CACNA2D1: variants seen among roughly 807,000 people sequenced by gnomAD.
The protein encoded by CACNA2D1 is calcium voltage-gated channel auxiliary subunit alpha2delta 1.
In CACNA2D1, 53 loss-of-function variants were observed where a neutral mutation model predicts 171.5. The observed-to-expected ratio is 0.31, with a 90% CI of 0.25 to 0.39. The LOEUF is 0.39. Among genes scored for constraint, CACNA2D1 ranks in the 10% least tolerant of loss-of-function variants. CACNA2D1 has a pLI of 1.00. For synonymous variants in CACNA2D1, 442 were observed against 443.1 expected (o/e 1.00, Z 0.03); for missense variants, 903 against 1,299.8 (o/e 0.69, Z 4.69).
At position 82,034,592 on chromosome 7, in the gene CACNA2D1, T is replaced by C. The variant is rs138265396; in HGVS notation, c.1039-1691A>G. Among the ~76,000 whole-genome samples the C allele has an allele frequency of 2.4e-3, 367 of 152,226 alleles. 1 individual carries two copies. The Middle Eastern group carries it at 0.054, about 23-fold the overall frequency. Reference sequence around the variant, plus strand: ...AAAGTTGCCTATTTTATCATCAAAATAGTTTTGTGAAACATGCCTCAAATC... The same window carrying C: ...AAAGTTGCCTATTTTATCATCAAAACAGTTTTGTGAAACATGCCTCAAATC... On this transcript the variant is annotated intron_variant, in intron 11 of 38. Transcript: ENST00000356860.
chr7:81,954,853 GATACTGCATA>G (rs1793035614), intron 38 of CACNA2D1, among the ~76,000 whole-genome samples: 1 of 152,028 alleles, frequency 6.6e-6, no homozygotes, highest in African/African-American at 2.4e-5. Context: ...TAGGCATGTA[GATACTGCATA>G]ATAATAGGAA....
chr7:82,074,876 T>G (rs1287059962), intron 7 of CACNA2D1, among the ~76,000 whole-genome samples: 2 of 152,320 alleles, frequency 1.3e-5, no homozygotes, highest in East Asian at 3.9e-4. Context: ...TCCAGAATTT[T>G]TTTTTAATTA....
intron 3 of CACNA2D1, among the ~76,000 whole-genome samples, chr7:82,252,751 G>T (rs1465253615): frequency 6.6e-6 from 1 of 152,026 alleles, no homozygotes; most frequent in East Asian, 1.9e-4. Context: ...TTAGCTGGGC[G>T]TGGTGGTGCG....
At chr7:82,271,928 C>CT (rs3216242) in intron 3 of CACNA2D1, among the ~76,000 whole-genome samples, 110,012 of 151,926 alleles carry the variant, frequency 0.72, 40,799 homozygotes, top group African/African-American at 0.88. Context: ...TCACTTTCTT[C>CT]TTCCTGAATC....
chr7:82,130,791 C>CTTTTTTTTTTTTTT (rs71093363), intron 5 of CACNA2D1, among the ~76,000 whole-genome samples: 1 of 105,846 alleles, frequency 9.4e-6, no homozygotes, highest in Non-Finnish European at 1.8e-5. Context: ...TTGTTTTTGT[C>CTTTTTTTTTTTTTT]TTTTTTTTTT....
intron 3 of CACNA2D1, among the ~76,000 whole-genome samples, chr7:82,191,745 A>C (rs2367912): frequency 0.3 from 45,913 of 151,628 alleles, 7,491 homozygotes; most frequent in African/African-American, 0.42. Flanking sequence ...ATCAACTGCA[A>C]GTATAAACAG....
chr7:82,353,532 G>T (rs1233663965), intron 1 of CACNA2D1, among the ~76,000 whole-genome samples: 2 of 151,960 alleles, frequency 1.3e-5, no homozygotes, highest in Admixed American at 1.3e-4. Flanking sequence ...AACTCCCAAA[G>T]GAGAGTGTAC....
At chr7:82,302,544 A>G (rs1379052211) in intron 3 of CACNA2D1, among the ~76,000 whole-genome samples, 3 of 151,510 alleles carry the variant, frequency 2.0e-5, no homozygotes, top group African/African-American at 7.3e-5. Flanking sequence ...CCTCCCCAGT[A>G]GCTGGGAAAC....
At chr7:82,393,111 C>CAGGCAGGCAGGG (rs1563483495) in intron 1 of CACNA2D1, among the ~76,000 whole-genome samples, 16 of 86,898 alleles carry the variant, frequency 1.8e-4, no homozygotes, top group African/African-American at 7.8e-4. Context: ...GGCAGGCAGG[C>CAGGCAGGCAGGG]AGGGAGGGAG....
At chr7:82,080,050 T>C (rs1332085325) in intron 7 of CACNA2D1, among the ~76,000 whole-genome samples, 1 of 58,258 alleles carries the variant, frequency 1.7e-5, no homozygotes, top group African/African-American at 8.0e-5. Flanking sequence ...TAAAAATATA[T>C]ATGTGTGTAT....
intron 3 of CACNA2D1, among the ~76,000 whole-genome samples, chr7:82,227,931 G>C (rs754165152): frequency 6.6e-6 from 1 of 152,038 alleles, no homozygotes; most frequent in Non-Finnish European, 1.5e-5. Context: ...GTGGAGGGTA[G>C]AATTCTAAAA....
At chr7:82,439,789 C>A (rs1273359127) in intron 1 of CACNA2D1, among the ~76,000 whole-genome samples, 1 of 151,326 alleles carries the variant, frequency 6.6e-6, no homozygotes, top group Non-Finnish European at 1.5e-5. Context: ...TATGGTTAAG[C>A]CGATGAGAAC....
rs3839798 is a variant in CACNA2D1 at position 82,150,422 on chromosome 7, TAA to T, written c.355-13748_355-13747del. Among the ~76,000 whole-genome samples the T allele has an allele frequency of 7.6e-3, 1,064 of 140,678 alleles. 6 individuals carry two copies. Among genetic ancestry groups the T allele is most frequent in the East Asian group, 0.026 (128 of 4,844 alleles). 92.3% of individuals were successfully genotyped at this position (140,678 alleles called of 152,430 possible). On this transcript the variant is annotated intron_variant, in intron 4 of 38. Coordinates refer to ENST00000356860, the MANE Select transcript of CACNA2D1 (RefSeq NM_000722.4). ...CTGAAAACAAAGCAAAGCTTTCCCT[TAA>T]AAAAAAAAAAAAAAATTGAAATCTC...
chr7:82,059,219 A>G (rs1438140682), intron 10 of CACNA2D1, among the ~76,000 whole-genome samples: 1 of 152,114 alleles, frequency 6.6e-6, no homozygotes, highest in African/African-American at 2.4e-5. Flanking sequence ...CTCAAGTGTA[A>G]ATATATCTTC....
chr7:82,129,483 C>T (rs1790709642), intron 5 of CACNA2D1, among the ~76,000 whole-genome samples: 2 of 152,224 alleles, frequency 1.3e-5, no homozygotes, highest in African/African-American at 4.8e-5. Context: ...ACTTCTCAAA[C>T]TTATTCTGAG....
At chr7:82,086,849 G>C (rs80046402) in intron 6 of CACNA2D1, among the ~76,000 whole-genome samples, 80 of 152,148 alleles carry the variant, frequency 5.3e-4, no homozygotes, top group African/African-American at 1.9e-3. Context: ...CAGCTACTAA[G>C]TATTGGGTAC....
At chr7:82,270,630 T>G (rs1808497262) in intron 3 of CACNA2D1, among the ~76,000 whole-genome samples, 1 of 152,128 alleles carries the variant, frequency 6.6e-6, no homozygotes, top group Non-Finnish European at 1.5e-5. Flanking sequence ...CCAAAGAATT[T>G]TCCAAAGTGG....
intron 3 of CACNA2D1, among the ~76,000 whole-genome samples, chr7:82,246,575 T>G (rs951178550): frequency 9.2e-5 from 14 of 152,082 alleles, no homozygotes; most frequent in African/African-American, 3.4e-4. Flanking sequence ...GGTGTATGTG[T>G]TTGTTTGCAG....
At chr7:82,066,323 C>A in intron 8 of CACNA2D1, 132 bp downstream of exon 8, 1 of 1,237,290 alleles carries the variant, frequency 8.1e-7, no homozygotes, top group East Asian at 2.6e-5. Context: ...CCTATATTTA[C>A]TTATTTTTAA....
Sources: allele counts gnomAD v4.1 joint callset (sites outside exome capture counted in the v4.1 genomes callset), GRCh38; gene constraint gnomAD v4.1.1; transcripts MANE v1.5; gene names NCBI Gene and HGNC (gene_info 2026-07-23, HGNC 2026-07-21).